The following PTPRT variants were observed in gnomAD, a reference collection of about 807,000 sequenced individuals.
PTPRT encodes the protein protein tyrosine phosphatase receptor type T.
Under a neutral mutation model 176.8 loss-of-function variants are expected in PTPRT, and 56 were observed. The observed-to-expected ratio is 0.32, with a 90% CI of 0.26 to 0.40. The LOEUF (loss-of-function observed/expected upper bound fraction) is 0.40. Ranked by LOEUF, PTPRT falls within the 10% of genes least tolerant of loss-of-function variation. The pLI is 1.00. For synonymous variants in PTPRT, 783 were observed against 739.0 expected, an observed-to-expected ratio of 1.06 and a Z score of -0.96; for missense variants, 1,540 against 1,908.2, an observed-to-expected ratio of 0.81 and a Z score of 3.60.
chr20:42,419,846 T>C (rs2059101664), intron 9 of PTPRT, among the ~76,000 whole-genome samples: 1 of 152,208 alleles, frequency 6.6e-6, no homozygotes, highest in East Asian at 1.9e-4. Flanking sequence ...ACTGGTGTCC[T>C]TATAAAGAGC....
At chr20:42,633,819 A>ATATATATATATATATATATG (rs1162225733) in intron 7 of PTPRT, among the ~76,000 whole-genome samples, 2 of 85,586 alleles carry the variant, frequency 2.3e-5, no homozygotes, top group East Asian at 2.8e-4. Flanking sequence ...ATATATATAT[A>ATATATATATATATATATATG]ATAAAATATT....
Position 42,545,312 on chromosome 20 carries a change from T to A in PTPRT, c.1154-72750A>T, listed in dbSNP as rs535164870. ...CAGTTACCTGGCAAACAGGAGTTTT[T>A]AATCCAGGGGTTCATCAAACCACCC... is the stretch of plus-strand genomic sequence containing the variant. On this transcript the variant is annotated intron_variant, in intron 7 of 30. Coordinates refer to ENST00000373187, the MANE Select transcript of PTPRT (RefSeq NM_007050.6). Among the ~76,000 whole-genome samples the A allele has an allele frequency of 9.8e-5, 15 of 152,290 alleles. No individual in the cohort carries two copies. The South Asian group carries it at 2.3e-3, about 23-fold the overall frequency.
chr20:42,162,974 C>A (rs1475080357), intron 16 of PTPRT, among the ~76,000 whole-genome samples: 1 of 152,220 alleles, frequency 6.6e-6, no homozygotes, highest in Non-Finnish European at 1.5e-5. Flanking sequence ...GTTTGACTGA[C>A]AATTTTCCAG....
intron 7 of PTPRT, among the ~76,000 whole-genome samples, chr20:42,544,729 A>T (rs1246880598): frequency 1.3e-5 from 2 of 152,356 alleles, no homozygotes; most frequent in Admixed American, 6.5e-5. Flanking sequence ...AGCAAGTAAG[A>T]TCACATGGTC....
chr20:43,036,578 A>C (rs1445126141), intron 1 of PTPRT, among the ~76,000 whole-genome samples: 5 of 152,226 alleles, frequency 3.3e-5, no homozygotes, highest in Non-Finnish European at 5.9e-5. Flanking sequence ...TACAAAAAAA[A>C]ACCCCATGAA....
chr20:42,749,492 A>G (rs1691659683), intron 6 of PTPRT, among the ~76,000 whole-genome samples: 1 of 152,202 alleles, frequency 6.6e-6, no homozygotes. Context: ...ATGTGGTATA[A>G]AAGAGACAGC....
intron 1 of PTPRT, among the ~76,000 whole-genome samples, chr20:43,103,307 G>A (rs887763595): frequency 2.0e-5 from 3 of 152,106 alleles, no homozygotes; most frequent in Non-Finnish European, 4.4e-5. Context: ...GGGGATTTTC[G>A]GTCAGACAAC....
At chr20:42,583,879 C>T (rs1388282112) in intron 7 of PTPRT, among the ~76,000 whole-genome samples, 1 of 152,166 alleles carries the variant, frequency 6.6e-6, no homozygotes, top group Non-Finnish European at 1.5e-5. Flanking sequence ...CTCTCTTACT[C>T]CATGTGGTAG....
intron 13 of PTPRT, among the ~76,000 whole-genome samples, chr20:42,260,553 G>T (rs1302247314): frequency 6.6e-6 from 1 of 152,186 alleles, no homozygotes; most frequent in African/African-American, 2.4e-5. Context: ...AGAGAGCTGT[G>T]GTCACACTGA....
intron 8 of PTPRT, among the ~76,000 whole-genome samples, chr20:42,448,692 C>A (rs1226292963): frequency 6.6e-6 from 1 of 152,026 alleles, no homozygotes; most frequent in Admixed American, 6.6e-5. Context: ...CGGATAAGGG[C>A]AGAAAGGACA....
At position 42,156,363 on chromosome 20, in the gene PTPRT, A is replaced by G. The variant is rs565269708; in HGVS notation, c.2682+4989T>C. 4.6e-5 allele frequency among the ~76,000 whole-genome samples: 7 copies of G among 152,320 alleles called. No individual in the cohort carries two copies. In the South Asian group the frequency reaches 1.2e-3, roughly 27 times the overall value. Reference sequence around the variant, plus strand: ...TGTCTGTACCCTGGAAAATGCTCCCATATCTTAAAGTTGAAATTCTGAAAG... The same window carrying G: ...TGTCTGTACCCTGGAAAATGCTCCCGTATCTTAAAGTTGAAATTCTGAAAG... On this transcript the variant is annotated intron_variant, in intron 17 of 30. Coordinates refer to ENST00000373187, the MANE Select transcript of PTPRT (RefSeq NM_007050.6).
intron 7 of PTPRT, among the ~76,000 whole-genome samples, chr20:42,595,163 G>A (rs781116148): frequency 6.6e-6 from 1 of 151,936 alleles, no homozygotes; most frequent in African/African-American, 2.4e-5. Context: ...TCTTGGGCAC[G>A]GGGGTCATTA....
At chr20:42,676,597 G>T (rs553142496) in intron 7 of PTPRT, among the ~76,000 whole-genome samples, 2 of 151,640 alleles carry the variant, frequency 1.3e-5, no homozygotes, top group African/African-American at 4.8e-5. Context: ...AAAGTCAAAA[G>T]CTGAGAGTCA....
chr20:42,880,815 G>T (rs2079001260), intron 2 of PTPRT, among the ~76,000 whole-genome samples: 1 of 152,208 alleles, frequency 6.6e-6, no homozygotes, highest in Non-Finnish European at 1.5e-5. Flanking sequence ...CTTCTCCCAT[G>T]GACAGAGATG....
At chr20:42,613,869 A>G (rs1270510166) in intron 7 of PTPRT, among the ~76,000 whole-genome samples, 3 of 151,924 alleles carry the variant, frequency 2.0e-5, no homozygotes, top group East Asian at 1.9e-4. Flanking sequence ...TGCTTTCAAA[A>G]CGTTTGCTTT....
chr20:42,317,810 T>C (rs1278840815), intron 11 of PTPRT, among the ~76,000 whole-genome samples: 1 of 152,232 alleles, frequency 6.6e-6, no homozygotes, highest in Non-Finnish European at 1.5e-5. Context: ...GCGCTGGGCA[T>C]ATGAGTATAT....
intron 2 of PTPRT, among the ~76,000 whole-genome samples, chr20:42,844,461 GGTGA>G (rs1169743016): frequency 6.6e-6 from 1 of 152,120 alleles, no homozygotes; most frequent in Non-Finnish European, 1.5e-5. Context: ...TCCTTGCTCA[GGTGA>G]TTTCATTGGT....
intron 7 of PTPRT, among the ~76,000 whole-genome samples, chr20:42,530,363 G>A (rs893345419): frequency 6.6e-6 from 1 of 152,202 alleles, no homozygotes; most frequent in African/African-American, 2.4e-5. Flanking sequence ...CAGGCACCAT[G>A]CAATGTGGCT....
intron 1 of PTPRT, among the ~76,000 whole-genome samples, chr20:43,028,900 T>G (rs1986026365): frequency 6.6e-6 from 1 of 152,186 alleles, no homozygotes; most frequent in African/African-American, 2.4e-5. Context: ...TGGGACAGTC[T>G]ACAGACACGG....
Sources: allele counts gnomAD v4.1 joint callset (sites outside exome capture counted in the v4.1 genomes callset), GRCh38; gene constraint gnomAD v4.1.1; transcripts MANE v1.5; gene names NCBI Gene and HGNC (gene_info 2026-07-23, HGNC 2026-07-21).